The following PTCD3 variants were observed in gnomAD, a reference collection of about 807,000 sequenced individuals.
PTCD3 encodes the protein pentatricopeptide repeat domain 3, also known as small ribosomal subunit protein mS39.
A neutral mutation model predicts 101.9 loss-of-function variants in PTCD3; 89 were observed. The observed-to-expected ratio is 0.87, with a 90% CI of 0.74 to 1.04. PTCD3 has a LOEUF of 1.04. Ranked by LOEUF, PTCD3 falls within the 50% of genes least tolerant of loss-of-function variation. PTCD3 has a pLI of 0.00. For missense variants in PTCD3, 870 were observed against 828.2 expected, an observed-to-expected ratio of 1.05 and a Z score of -0.62; for synonymous variants, 296 against 278.5, an observed-to-expected ratio of 1.06 and a Z score of -0.63.
chr2:86,130,445 C>T (rs771607053), intron 14 of PTCD3, among the ~76,000 whole-genome samples: 1 of 152,138 alleles, frequency 6.6e-6, no homozygotes, highest in Non-Finnish European at 1.5e-5. Flanking sequence ...GAACAGAGAC[C>T]TGTGATTATT....
In PTCD3 at chr2:86,139,776, G is replaced by A. The variant is rs1256630551; in HGVS notation, c.*2217G>A. 1 of 152,128 alleles carries A rather than the reference G, an allele frequency of 6.6e-6. No individual in the cohort carries two copies. The highest frequency in any genetic ancestry group is 1.5e-5 in the Non-Finnish European group (1 of 68,098). 9.4% of individuals were successfully genotyped at this position (152,128 alleles called of 1,614,324 possible). A position where few individuals can be genotyped will look rare whatever the true frequency, so the allele number is the denominator to read the frequency against. ...TGACTGCACCACTGCATTCCAGCCT[G>A]GTTGACAGAGTGACCCTTGTCTCCA... On this transcript the variant is annotated 3_prime_UTR_variant, in exon 24 of 24. Coordinates refer to ENST00000254630, the MANE Select transcript of PTCD3 (RefSeq NM_017952.6).
At chr2:86,114,053 A>T (rs1442449473) in intron 4 of PTCD3, among the ~76,000 whole-genome samples, 4 of 151,830 alleles carry the variant, frequency 2.6e-5, no homozygotes, top group Non-Finnish European at 5.9e-5. Context: ...CTTTCAAATC[A>T]AAGAAGTTAT....
intron 4 of PTCD3, among the ~76,000 whole-genome samples, chr2:86,113,842 A>C (rs1372769220): frequency 6.6e-6 from 1 of 152,092 alleles, no homozygotes; most frequent in Non-Finnish European, 1.5e-5. Context: ...ATAAAGATGG[A>C]GCTACTAAAG....
Position 86,141,279 on chromosome 2 carries a change from T to G in PTCD3, c.*3720T>G, listed in dbSNP as rs1302623124. The G allele has an allele frequency of 6.6e-6, 1 of 152,176 alleles. No homozygotes were observed. The highest frequency in any genetic ancestry group is 1.5e-5 in the Non-Finnish European group (1 of 68,046). The allele number at this position is 152,176 out of a possible 1,614,324, so 9.4% of individuals were successfully genotyped here. ...TGCTTCCTCAAGCTCCCTGCCAACC[T>G]CTGGATACATCAATGGGAAGGAAAC... On this transcript the variant is annotated 3_prime_UTR_variant, in exon 24 of 24. Transcript: ENST00000254630.
At position 86,127,200 on chromosome 2, in the gene PTCD3, A is replaced by G. The variant is rs923708070; in HGVS notation, c.991A>G (p.Asn331Asp). Reference protein sequence around the residue: ...RHMVAQKVKPNLQTFNTILKC... With the variant: ...RHMVAQKVKPDLQTFNTILKC... ...CATGGTTGCACAGAAGGTGAAACCA[A>G]ATCTTCAGACTTTTAATACCATTCT... Residue 331 changes from asparagine (N) to aspartate (D), a missense_variant, in exon 13 of 24, where the codon AAT (asparagine) becomes GAT (aspartate). By Grantham distance (23) the Asn-to-Asp change is conservative. Transcript: ENST00000254630. 1.2e-6 allele frequency: 2 copies of G among 1,613,856 alleles called. No homozygotes were observed. The highest frequency in any genetic ancestry group is 1.7e-6 in the Non-Finnish European group (2 of 1,179,876).
chr2:86,133,025 A>G, intron 17 of PTCD3, 153 bp from the exon 18 acceptor site: 2 of 1,247,620 alleles, frequency 1.6e-6, no homozygotes, highest in Non-Finnish European at 2.2e-6. Context: ...ACACACTGGC[A>G]GCTCTTAAAC....
Position 86,137,893 on chromosome 2 carries a change from G to A in PTCD3, c.*334G>A, listed in dbSNP as rs958058166. 3 of 259,840 alleles carry A rather than the reference G, an allele frequency of 1.2e-5. No individual in the cohort carries two copies. The highest frequency in any genetic ancestry group is 2.2e-5 in the African/African-American group (1 of 45,768). 16.1% of individuals were successfully genotyped at this position (259,840 alleles called of 1,614,324 possible). ...GAGCTGACCTCACGATGCTGTCCTC[G>A]TGCGATTGCCCTCTCCTGCTGCTGG... On this transcript the variant is annotated 3_prime_UTR_variant, in exon 24 of 24. Transcript: ENST00000254630.
At chr2:86,108,647 T>C in intron 3 of PTCD3, 111 bp downstream of exon 3, 1 of 1,093,494 alleles carries the variant, frequency 9.1e-7, no homozygotes, top group East Asian at 2.6e-5. Context: ...AGAGCATTCT[T>C]GAAGAGAGTA....
At position 86,116,518 on chromosome 2, in the gene PTCD3, T is replaced by C. The variant is rs764886928; in HGVS notation, c.241-12T>C. 6.3e-7 allele frequency: 1 copy of C among 1,594,882 alleles called. No homozygotes were observed. The highest frequency in any genetic ancestry group is 2.2e-5 in the East Asian group (1 of 44,758). On this transcript the variant is annotated splice_polypyrimidine_tract_variant and intron_variant, in intron 4 of 23. Transcript: ENST00000254630. ...AAATAAATATAGAAATTGTATTATG[T>C]CTTTTCCACAGGATACCACAGCTGT...
At chr2:86,133,014 C>A in intron 17 of PTCD3, 164 bp from the exon 18 acceptor site, 2 of 1,118,354 alleles carry the variant, frequency 1.8e-6, no homozygotes, top group Non-Finnish European at 2.5e-6. Flanking sequence ...GAGAAGTCAG[C>A]ACACACTGGC....
intron 21 of PTCD3, 90 bp from the exon 22 acceptor site, chr2:86,136,431 T>C: frequency 2.3e-6 from 3 of 1,278,846 alleles, no homozygotes; most frequent in Non-Finnish European, 3.4e-6. Context: ...AAAGGGCATT[T>C]AGTCTCTGAT....
At chr2:86,123,993 T>G (rs1674339088) in intron 9 of PTCD3, among the ~76,000 whole-genome samples, 1 of 152,210 alleles carries the variant, frequency 6.6e-6, no homozygotes, top group African/African-American at 2.4e-5. Flanking sequence ...TTTTTTTCCC[T>G]CATCTGTTTA....
At chr2:86,121,745 A>G (rs1301471493) in intron 8 of PTCD3, 151 bp downstream of exon 8, 2 of 524,184 alleles carry the variant, frequency 3.8e-6, no homozygotes, top group Admixed American at 3.6e-5. Context: ...AAAAAGTGGT[A>G]TAGGAGGAAG....
chr2:86,136,392 G>C, intron 21 of PTCD3, 129 bp from the exon 22 acceptor site: 3 of 874,112 alleles, frequency 3.4e-6, no homozygotes, highest in Non-Finnish European at 5.5e-6. Context: ...ACAGATGTGT[G>C]TCTTTGGGAG....
chr2:86,112,681 C>CAAAAAAAAAA (rs397953846), intron 4 of PTCD3, among the ~76,000 whole-genome samples: 1 of 81,310 alleles, frequency 1.2e-5, no homozygotes, highest in Non-Finnish European at 2.5e-5. Context: ...GACTCTGTCT[C>CAAAAAAAAAA]AAAAAAAAAA....
chr2:86,106,254 G>C lies in PTCD3; in HGVS notation c.7G>C (p.Val3Leu), dbSNP rs376098144. The change falls in exon 1 of 24, where the codon GTT becomes CTT. Residue 3 changes from valine (V) to leucine (L), a missense_variant. Transcript: ENST00000254630. MA[V>L]VSAVRWLGLR... is the part of the protein sequence containing the mutation. ...CTCTGCAGAGAAATCAAAGATGGCG[G>C]TTGTATCTGCTGTTCGCTGGCTGGG... 2.5e-6 allele frequency: 4 copies of C among 1,614,074 alleles called. No homozygotes were observed. The highest frequency in any genetic ancestry group is 3.4e-6 in the Non-Finnish European group (4 of 1,179,988).
At position 86,134,304 on chromosome 2, in the gene PTCD3, A is replaced by G. The variant is rs1674541925; in HGVS notation, c.1556A>G (p.Tyr519Cys). The change falls in exon 20 of 24, where the codon TAT (tyrosine) becomes TGT (cysteine). Residue 519 changes from tyrosine (Y) to cysteine (C), a missense_variant. Physicochemically the swap from Tyr to Cys is radical, Grantham distance 194 (BLOSUM62 -2). Coordinates refer to ENST00000254630, the MANE Select transcript of PTCD3 (RefSeq NM_017952.6). Reference protein sequence around the residue: ...IPKIWKDSKEYGHTFRSDLRE... With the variant: ...IPKIWKDSKECGHTFRSDLRE... ...TTCTTGTTTCAAGATAGTAAAGAAT[A>G]TGGTCATACTTTCCGCAGTGACCTG... The G allele has an allele frequency of 1.9e-6, 3 of 1,609,610 alleles. No individual in the cohort carries two copies. Among genetic ancestry groups the G allele is most frequent in the Admixed American group, 1.7e-5 (1 of 59,960 alleles).
Position 86,134,887 on chromosome 2 carries a change from G to A in PTCD3, c.1678G>A (p.Glu560Lys), listed in dbSNP as rs1558800695. 1 of 1,614,168 alleles carries A rather than the reference G, an allele frequency of 6.2e-7. No individual in the cohort carries two copies. Among genetic ancestry groups the A allele is most frequent in the South Asian group, 1.1e-5 (1 of 91,078 alleles). Residue 560 changes from glutamate to lysine, a missense_variant, in exon 21 of 24, where the codon GAA becomes AAA. Coordinates refer to ENST00000254630, the MANE Select transcript of PTCD3 (RefSeq NM_017952.6). ...TGCTGCTGATATCAAATCTGCGTAT[G>A]AAAGCCAACCCATCAGACAGACTGC... ...DCAADIKSAY[E>K]SQPIRQTAQD...
rs760662080 is a variant in PTCD3, at chr2:86,134,791, T to C, written c.1630-48T>C. The stretch of plus-strand genomic sequence containing the variant: ...CCTGTGTTAGTCTCCTGAACTGAAA[T>C]TCTCATAAAATCAGTTAGGCAGTTC... On this transcript the variant is annotated intron_variant, in intron 20 of 23. Coordinates refer to ENST00000254630, the MANE Select transcript of PTCD3 (RefSeq NM_017952.6). 1.9e-6 allele frequency: 3 copies of C among 1,604,440 alleles called. No individual in the cohort carries two copies. The Admixed American group carries it at 5.1e-5, about 27-fold the overall frequency.
Sources: gnomAD v4.1 joint callset for allele counts (sites outside exome capture counted in the v4.1 genomes callset) on GRCh38, gnomAD v4.1.1 for gene constraint, MANE v1.5 for transcripts, NCBI Gene and HGNC (gene_info 2026-07-23, HGNC 2026-07-21) for gene names.